NRXN3: variants seen among roughly 807,000 people sequenced by gnomAD.
NRXN3 encodes the protein neurexin 3, also known as neurexin III.
NRXN3 carries 32 observed loss-of-function variants against 137.6 expected under a neutral mutation model. The observed-to-expected ratio is 0.23, with a 90% CI of 0.18 to 0.31. The LOEUF (loss-of-function observed/expected upper bound fraction) is 0.31. NRXN3 is among the 10% of genes least tolerant of loss of function. The pLI is 1.00. For synonymous variants in NRXN3, 798 were observed against 784.5 expected, an observed-to-expected ratio of 1.02 and a Z score of -0.29; for missense variants, 1,574 against 2,062.5, an observed-to-expected ratio of 0.76 and a Z score of 4.59.
At chr14:79,018,813 A>G (rs1297989621) in intron 15 of NRXN3, among the ~76,000 whole-genome samples, 3 of 152,198 alleles carry the variant, frequency 2.0e-5, no homozygotes, top group Non-Finnish European at 2.9e-5. Flanking sequence ...AAACAAAACT[A>G]TCTTTATCTA....
intron 10 of NRXN3, among the ~76,000 whole-genome samples, chr14:78,831,287 C>T (rs1279230752): frequency 6.6e-6 from 1 of 152,046 alleles, no homozygotes; most frequent in Non-Finnish European, 1.5e-5. Flanking sequence ...CAATATCACA[C>T]CTGTAACCCC....
chr14:78,452,161 A>T (rs779940249), intron 4 of NRXN3, among the ~76,000 whole-genome samples: 4 of 152,232 alleles, frequency 2.6e-5, no homozygotes, highest in Non-Finnish European at 5.9e-5. Flanking sequence ...TGATATTATG[A>T]TGCCATTATT....
At chr14:78,575,807 A>G (rs1474865260) in intron 4 of NRXN3, among the ~76,000 whole-genome samples, 1 of 152,208 alleles carries the variant, frequency 6.6e-6, no homozygotes, top group Non-Finnish European at 1.5e-5. Context: ...GATAGACAGG[A>G]AGCCCAGATA....
intron 15 of NRXN3, among the ~76,000 whole-genome samples, chr14:79,287,193 A>T (rs1216440163): frequency 1.3e-5 from 2 of 152,210 alleles, no homozygotes; most frequent in Non-Finnish European, 2.9e-5. Context: ...GAGTAAATGT[A>T]GATGAGAAAC....
intron 16 of NRXN3, among the ~76,000 whole-genome samples, chr14:79,580,698 T>C (rs1438060087): frequency 6.6e-6 from 1 of 152,170 alleles, no homozygotes; most frequent in African/African-American, 2.4e-5. Context: ...CCCTTGAAGT[T>C]CAGTTAACTC....
intron 15 of NRXN3, among the ~76,000 whole-genome samples, chr14:79,201,865 AT>A (rs2066065183): frequency 6.6e-6 from 1 of 152,162 alleles, no homozygotes; most frequent in Non-Finnish European, 1.5e-5. Context: ...ATTTCTTTTA[AT>A]TTTTACAACA....
rs114365711 is a variant in NRXN3, at chr14:79,007,311, G to A, written c.3262+19170G>A. 2.4e-3 allele frequency among the ~76,000 whole-genome samples: 368 copies of A among 152,070 alleles called. 2 individuals carry two copies. Among genetic ancestry groups the A allele is most frequent in the African/African-American group, 8.0e-3 (333 of 41,490 alleles). On this transcript the variant is annotated intron_variant, in intron 15 of 20. Transcript: ENST00000335750. ...ACATTAAAACACGTAGCTCCACTTCGCTGCATTGTTGATTGCAGTTGATGA... is the reference window on the plus strand; with the variant it reads ...ACATTAAAACACGTAGCTCCACTTCACTGCATTGTTGATTGCAGTTGATGA...
At chr14:79,412,364 A>G (rs1014168373) in intron 15 of NRXN3, among the ~76,000 whole-genome samples, 7 of 152,106 alleles carry the variant, frequency 4.6e-5, no homozygotes, top group African/African-American at 1.4e-4. Flanking sequence ...GGCTCTATCT[A>G]TGCTTAGTTT....
intron 4 of NRXN3, among the ~76,000 whole-genome samples, chr14:78,350,150 A>G (rs1258231219): frequency 6.6e-6 from 1 of 152,118 alleles, no homozygotes; most frequent in East Asian, 1.9e-4. Flanking sequence ...TTAGCTGAGC[A>G]TGGTGGTGCG....
chr14:79,488,868 A>G (rs929356335), intron 16 of NRXN3, among the ~76,000 whole-genome samples: 7 of 152,198 alleles, frequency 4.6e-5, no homozygotes, highest in African/African-American at 1.7e-4. Flanking sequence ...TCAACAAGGC[A>G]TCTTTTCAAT....
chr14:78,195,393 G>A (rs1402394970), intron 1 of NRXN3, among the ~76,000 whole-genome samples: 2 of 152,176 alleles, frequency 1.3e-5, no homozygotes, highest in Non-Finnish European at 2.9e-5. Context: ...AAGGCACCAT[G>A]GTGTAGTGAG....
chr14:79,734,178 G>A (rs1311580943), intron 19 of NRXN3, among the ~76,000 whole-genome samples: 1 of 152,078 alleles, frequency 6.6e-6, no homozygotes, highest in African/African-American at 2.4e-5. Context: ...TTGCCAATCC[G>A]GCCAACACCC....
intron 19 of NRXN3, among the ~76,000 whole-genome samples, chr14:79,736,767 T>C (rs1603456423): frequency 6.6e-6 from 1 of 151,964 alleles, no homozygotes; most frequent in East Asian, 1.9e-4. Context: ...ATAATGGGAG[T>C]ACTAGAAGCA....
At chr14:78,951,806 G>C (rs1310539505) in intron 10 of NRXN3, among the ~76,000 whole-genome samples, 2 of 152,170 alleles carry the variant, frequency 1.3e-5, no homozygotes, top group Non-Finnish European at 2.9e-5. Context: ...GATGTGAATA[G>C]ATAGTCTTGC....
chr14:78,533,999 A>T (rs1307124933), intron 4 of NRXN3, among the ~76,000 whole-genome samples: 1 of 152,244 alleles, frequency 6.6e-6, no homozygotes, highest in African/African-American at 2.4e-5. Flanking sequence ...AGCAGGTTTG[A>T]AGAAATTCAG....
chr14:79,601,967 TGAA>T (rs2097928016), intron 16 of NRXN3, among the ~76,000 whole-genome samples: 1 of 119,532 alleles, frequency 8.4e-6, no homozygotes, highest in African/African-American at 3.0e-5. Flanking sequence ...ACCAATATTA[TGAA>T]TTTATCTTCT....
intron 15 of NRXN3, among the ~76,000 whole-genome samples, chr14:79,132,946 A>G (rs2057749487): frequency 6.6e-6 from 1 of 152,200 alleles, no homozygotes; most frequent in Non-Finnish European, 1.5e-5. Flanking sequence ...CTACCCCATC[A>G]TCAACAGGTC....
chr14:78,717,675 G>T (rs1450340509), intron 8 of NRXN3, among the ~76,000 whole-genome samples: 5 of 152,086 alleles, frequency 3.3e-5, no homozygotes, highest in Non-Finnish European at 7.4e-5. Flanking sequence ...CATTTTTCCT[G>T]CAGGAAGTTG....
At chr14:78,933,763 C>T (rs1180518556) in intron 10 of NRXN3, among the ~76,000 whole-genome samples, 1 of 152,144 alleles carries the variant, frequency 6.6e-6, no homozygotes, top group Admixed American at 6.5e-5. Flanking sequence ...TAGTTATCAT[C>T]TTTATGGTGA....
Sources: allele counts gnomAD v4.1 joint callset (sites outside exome capture counted in the v4.1 genomes callset), GRCh38; gene constraint gnomAD v4.1.1; transcripts MANE v1.5; gene names NCBI Gene and HGNC (gene_info 2026-07-23, HGNC 2026-07-21).